Variants in DSCAM observed in about 807,000 individuals in gnomAD.
DSCAM encodes the protein DS cell adhesion molecule.
In DSCAM, 47 loss-of-function variants were observed where a neutral mutation model predicts 217.7. The ratio of observed to expected loss-of-function variants is 0.22; its 90% CI spans 0.17 to 0.28. DSCAM has a LOEUF of 0.28. Ranked by LOEUF, DSCAM falls within the 10% of genes least tolerant of loss-of-function variation. The probability of loss-of-function intolerance (pLI) is 1.00; values close to 1 mark genes in which losing one functional copy is unlikely to be tolerated. For synonymous variants in DSCAM, 1,056 were observed against 1,015.3 expected (o/e 1.04, Z -0.76); for missense variants, 2,080 against 2,618.3 (o/e 0.79, Z 4.49).
At chr21:40,084,621 A>C (rs2089507671) in intron 23 of DSCAM, among the ~76,000 whole-genome samples, 1 of 152,058 alleles carries the variant, frequency 6.6e-6, no homozygotes, top group African/African-American at 2.4e-5. Flanking sequence ...GGCTTGTAGA[A>C]TACATACTGG....
intron 27 of DSCAM, among the ~76,000 whole-genome samples, chr21:40,067,555 GT>G (rs1234675443): frequency 6.6e-6 from 1 of 152,102 alleles, no homozygotes; most frequent in African/African-American, 2.4e-5. Flanking sequence ...TGGAACTTGT[GT>G]AATAGTTCTT....
At chr21:40,388,216 A>G (rs374080129) in intron 3 of DSCAM, among the ~76,000 whole-genome samples, 40 of 152,222 alleles carry the variant, frequency 2.6e-4, no homozygotes, top group Non-Finnish European at 5.3e-4. Context: ...GTACTCAATA[A>G]TGAGATGCAA....
rs368795006 is a variant in DSCAM at position 40,234,004 on chromosome 21, C to G, written c.2356+42093G>C. On this transcript the variant is annotated intron_variant, in intron 11 of 32. Coordinates refer to ENST00000400454, the MANE Select transcript of DSCAM (RefSeq NM_001389.5). ...GTCTGTGCAAATCTCAGTTCCCAGG[C>G]TAATGATGCCTGCAGTCCTTCTTAA... 3.9e-4 allele frequency among the ~76,000 whole-genome samples: 59 copies of G among 152,316 alleles called. 1 individual carries two copies. The South Asian group carries it at 0.012, about 30-fold the overall frequency.
At chr21:40,523,009 T>C (rs1189649789) in intron 3 of DSCAM, among the ~76,000 whole-genome samples, 1 of 152,244 alleles carries the variant, frequency 6.6e-6, no homozygotes, top group Non-Finnish European at 1.5e-5. Flanking sequence ...GCTCTGGTGA[T>C]GAAGGCTTTG....
At chr21:40,155,373 C>T (rs185156825) in intron 16 of DSCAM, among the ~76,000 whole-genome samples, 120 of 152,326 alleles carry the variant, frequency 7.9e-4, no homozygotes, top group Admixed American at 2.9e-3. Flanking sequence ...TGAGGCTGGG[C>T]CCCAACTATT....
In DSCAM at chr21:40,183,102, GGTT is replaced by G. The variant is rs1568987217; in HGVS notation, c.2780-4011_2780-4009del. On this transcript the variant is annotated intron_variant, in intron 14 of 32. Transcript: ENST00000400454. ...TACCAGAGAAACCGTGGACGGGGGG[GGTT>G]ACCAGAGAAACCGTGGACAGGAGAG... Among the ~76,000 whole-genome samples, 23 of 135,992 alleles carry G rather than the reference GGTT, an allele frequency of 1.7e-4. 5 individuals carry two copies. The highest frequency in any genetic ancestry group is 6.6e-4 in the African/African-American group (22 of 33,420). 89.2% of individuals were successfully genotyped at this position (135,992 alleles called of 152,430 possible). A position where few individuals can be genotyped will look rare whatever the true frequency, so the allele number is the denominator to read the frequency against.
At chr21:40,184,948 G>A (rs974046121) in intron 14 of DSCAM, among the ~76,000 whole-genome samples, 4 of 152,154 alleles carry the variant, frequency 2.6e-5, no homozygotes, top group African/African-American at 9.7e-5. Flanking sequence ...TCCAGACAAC[G>A]AGGAAGGCGT....
intron 4 of DSCAM, among the ~76,000 whole-genome samples, chr21:40,356,067 T>C (rs2074689262): frequency 6.6e-6 from 1 of 152,196 alleles, no homozygotes; most frequent in Non-Finnish European, 1.5e-5. Context: ...GTTTTTTTCA[T>C]ATTCTGGCTG....
intron 3 of DSCAM, among the ~76,000 whole-genome samples, chr21:40,691,047 G>T (rs140210653): frequency 2.0e-5 from 3 of 152,288 alleles, no homozygotes; most frequent in African/African-American, 4.8e-5. Flanking sequence ...AAGTTTACCT[G>T]TGTAAAAAAC....
intron 2 of DSCAM, among the ~76,000 whole-genome samples, chr21:40,694,612 A>T (rs2090576015): frequency 6.6e-6 from 1 of 151,668 alleles, no homozygotes; most frequent in Non-Finnish European, 1.5e-5. Flanking sequence ...AACCAGAGAG[A>T]TTTTTCCAAG....
chr21:40,429,504 G>T (rs748057130), intron 3 of DSCAM, among the ~76,000 whole-genome samples: 5 of 152,160 alleles, frequency 3.3e-5, no homozygotes, highest in Non-Finnish European at 7.3e-5. Context: ...CTGACCTCAG[G>T]TGATCCACCT....
chr21:40,027,165 G>A (rs1430689675), intron 32 of DSCAM, among the ~76,000 whole-genome samples: 1 of 152,044 alleles, frequency 6.6e-6, no homozygotes, highest in African/African-American at 2.4e-5. Flanking sequence ...TGAAATTCTG[G>A]GTTGAAAATT....
chr21:40,027,877 T>C (rs9636966), intron 32 of DSCAM, among the ~76,000 whole-genome samples: 268 of 270 alleles, frequency 0.99, 133 homozygotes, highest in Non-Finnish European at 1. Context: ...TCTCTCAGCT[T>C]GTCATAGTCA....
chr21:40,772,748 T>G (rs544674092), intron 1 of DSCAM, among the ~76,000 whole-genome samples: 156 of 152,320 alleles, frequency 1.0e-3, no homozygotes, highest in African/African-American at 3.7e-3. Context: ...TGCAACGTGG[T>G]TCCCTTTGTG....
At chr21:40,668,847 T>C (rs999674378) in intron 3 of DSCAM, among the ~76,000 whole-genome samples, 1 of 151,904 alleles carries the variant, frequency 6.6e-6, no homozygotes, top group Admixed American at 6.6e-5. Flanking sequence ...TCCACTTCCT[T>C]TCAGTAGTAT....
At chr21:40,750,305 A>C (rs886949662) in intron 1 of DSCAM, among the ~76,000 whole-genome samples, 1 of 152,066 alleles carries the variant, frequency 6.6e-6, no homozygotes, top group African/African-American at 2.4e-5. Context: ...TCCACTGAAC[A>C]TGCTCTTGCA....
At chr21:40,699,033 A>C (rs1348235386) in intron 2 of DSCAM, among the ~76,000 whole-genome samples, 1 of 151,508 alleles carries the variant, frequency 6.6e-6, no homozygotes, top group Non-Finnish European at 1.5e-5. Context: ...ATTTGTGGAA[A>C]CCCTGCATCA....
rs548408311 is a variant in DSCAM, at chr21:40,709,607, G to A, written c.44-836C>T. ...ACGCGGTGTTTGCTTTTCTGTTCCTGTGTTAGTTTGTTGAGAATGATGGTT... is the reference window on the plus strand; with the variant it reads ...ACGCGGTGTTTGCTTTTCTGTTCCTATGTTAGTTTGTTGAGAATGATGGTT... On this transcript the variant is annotated intron_variant, in intron 1 of 32. Coordinates refer to ENST00000400454, the MANE Select transcript of DSCAM (RefSeq NM_001389.5). Among the ~76,000 whole-genome samples, 9 of 152,214 alleles carry A rather than the reference G, an allele frequency of 5.9e-5. No homozygotes were observed. In the East Asian group the frequency reaches 1.7e-3, roughly 29 times the overall value.
intron 3 of DSCAM, among the ~76,000 whole-genome samples, chr21:40,396,309 A>T (rs2075177858): frequency 6.6e-6 from 1 of 152,290 alleles, no homozygotes; most frequent in Admixed American, 6.5e-5. Flanking sequence ...GAGAAAAGGG[A>T]TTCTTCACCA....
Sources: gnomAD v4.1 joint callset for allele counts (sites outside exome capture counted in the v4.1 genomes callset) on GRCh38, gnomAD v4.1.1 for gene constraint, MANE v1.5 for transcripts, NCBI Gene and HGNC (gene_info 2026-07-23, HGNC 2026-07-21) for gene names.